PRIM2: variants seen among roughly 807,000 people sequenced by gnomAD.
PRIM2 encodes DNA primase subunit 2, also known as DNA primase large subunit.
Under a neutral mutation model 67.3 loss-of-function variants are expected in PRIM2, and 39 were observed. The ratio of observed to expected loss-of-function variants is 0.58; its 90% confidence interval spans 0.45 to 0.76. The LOEUF is 0.76. PRIM2 is among the 30% of genes least tolerant of loss of function. The pLI is 0.00. For missense variants in PRIM2, 398 were observed against 598.7 expected (o/e 0.66, Z 3.50); for synonymous variants, 143 against 198.7 (o/e 0.72, Z 2.36).
At chr6:57,561,201 C>T (rs1775621132) in intron 10 of PRIM2, among the ~76,000 whole-genome samples, 1 of 152,130 alleles carries the variant, frequency 6.6e-6, no homozygotes, top group African/African-American at 2.4e-5. Context: ...CCTTAAATCT[C>T]ATAAACCCAC....
intron 7 of PRIM2, among the ~76,000 whole-genome samples, chr6:57,415,102 A>C (rs1231469024): frequency 6.6e-6 from 1 of 152,186 alleles, no homozygotes; most frequent in African/African-American, 2.4e-5. Flanking sequence ...ATAAACAGAT[A>C]ATTTGTATAG....
chr6:57,374,613 CAG>C (rs1469543565), intron 5 of PRIM2, among the ~76,000 whole-genome samples: 1 of 151,330 alleles, frequency 6.6e-6, no homozygotes, highest in Non-Finnish European at 1.5e-5. Context: ...TTTTTTGAGA[CAG>C]AGTCTTGCTC....
the PRIM2 span, among the ~76,000 whole-genome samples, chr6:57,274,943 A>ATTTTTTTTTTTTTTTTTTT: frequency 5.8e-5 from 8 of 137,384 alleles, no homozygotes; most frequent in African/African-American, 1.7e-4. Context: ...CACCTGGCTA[A>ATTTTTTTTTTTTTTTTTTT]TTTTTTTTTT....
At chr6:57,343,231 T>A (rs3800016) in intron 5 of PRIM2, among the ~76,000 whole-genome samples, 19,372 of 152,188 alleles carry the variant, frequency 0.13, 1,394 homozygotes, top group African/African-American at 0.18. Context: ...TACTGTGTTG[T>A]TTTTATTGTT....
At chr6:57,635,880 T>C (rs1266326081) in intron 13 of PRIM2, among the ~76,000 whole-genome samples, 5 of 152,208 alleles carry the variant, frequency 3.3e-5, no homozygotes, top group East Asian at 1.9e-4. Context: ...ACCTTTAAAA[T>C]AGAGGAATCT....
At chr6:57,573,125 A>G (rs1474922976) in intron 10 of PRIM2, among the ~76,000 whole-genome samples, 1 of 152,242 alleles carries the variant, frequency 6.6e-6, no homozygotes, top group Non-Finnish European at 1.5e-5. Flanking sequence ...CAGCTGCCCT[A>G]TACTTTCATT....
At chr6:57,422,154 C>CTTTATTTTTTTTTT (rs1177401174) in intron 7 of PRIM2, among the ~76,000 whole-genome samples, 1 of 54,512 alleles carries the variant, frequency 1.8e-5, no homozygotes, top group Non-Finnish European at 4.3e-5. Context: ...TATTTCTTTT[C>CTTTATTTTTTTTTT]TTTCTTTTTT....
At chr6:57,245,053 C>T in the PRIM2 span, among the ~76,000 whole-genome samples, 1 of 152,246 alleles carries the variant, frequency 6.6e-6, no homozygotes, top group South Asian at 2.1e-4. Context: ...CCTTCCTCCA[C>T]GAGTCCCAGC....
chr6:57,431,367 T>C (rs1771821743), intron 7 of PRIM2, among the ~76,000 whole-genome samples: 1 of 152,140 alleles, frequency 6.6e-6, no homozygotes, highest in African/African-American at 2.4e-5. Context: ...AAAGAAAATT[T>C]GGAGTCTGGG....
intron 7 of PRIM2, among the ~76,000 whole-genome samples, chr6:57,442,454 C>T (rs1748213057): frequency 6.6e-6 from 1 of 151,942 alleles, no homozygotes; most frequent in African/African-American, 2.4e-5. Context: ...GATGAAGATG[C>T]TAAAAATGTA....
intron 12 of PRIM2, among the ~76,000 whole-genome samples, chr6:57,631,154 T>G (rs1777032924): frequency 6.6e-6 from 1 of 152,188 alleles, no homozygotes; most frequent in East Asian, 1.9e-4. Context: ...CAAATGACAT[T>G]AAGCTATATT....
At chr6:57,547,044 G>T (rs2127473636) in intron 10 of PRIM2, among the ~76,000 whole-genome samples, 1 of 152,226 alleles carries the variant, frequency 6.6e-6, no homozygotes, top group South Asian at 2.1e-4. Flanking sequence ...AGTATTTAAA[G>T]TTTTGAACGT....
chr6:57,549,685 A>G (rs1272779391), intron 10 of PRIM2, among the ~76,000 whole-genome samples: 5 of 152,230 alleles, frequency 3.3e-5, no homozygotes, highest in Non-Finnish European at 7.3e-5. Context: ...TAACTTCTAG[A>G]CACAAATATT....
intron 7 of PRIM2, among the ~76,000 whole-genome samples, chr6:57,496,625 G>A (rs1554346407): frequency 6.6e-5 from 10 of 152,068 alleles, no homozygotes; most frequent in South Asian, 2.1e-4. Flanking sequence ...CTAGATAAGC[G>A]TTTATTATCT....
chr6:57,505,094 T>C (rs1252181309), intron 7 of PRIM2: 21 of 152,306 alleles, frequency 1.4e-4, no homozygotes, highest in Non-Finnish European at 2.6e-4. Flanking sequence ...GTTTGAATTC[T>C]GTCAGCAAAA....
intron 5 of PRIM2, among the ~76,000 whole-genome samples, chr6:57,344,216 G>T (rs1363922694): frequency 6.6e-6 from 1 of 151,436 alleles, no homozygotes; most frequent in Non-Finnish European, 1.5e-5. Flanking sequence ...GGTACTCTCT[G>T]AGTGTTGAGT....
chr6:57,269,481 GTTT>G, the PRIM2 span, among the ~76,000 whole-genome samples: 161 of 152,032 alleles, frequency 1.1e-3, 3 homozygotes, highest in East Asian at 0.029. Context: ...TGATGGGATT[GTTT>G]TTTTCTTGTA....
At chr6:57,456,051 G>A (rs531790642) in intron 7 of PRIM2, among the ~76,000 whole-genome samples, 3 of 152,186 alleles carry the variant, frequency 2.0e-5, no homozygotes, top group Admixed American at 1.3e-4. Flanking sequence ...ATGAAGCTTA[G>A]TTTGGCTGGA....
At chr6:57,251,838 T>TC in the PRIM2 span, among the ~76,000 whole-genome samples, 1 of 152,240 alleles carries the variant, frequency 6.6e-6, no homozygotes, top group Non-Finnish European at 1.5e-5. Context: ...ATCCAGGTTA[T>TC]TACAGTAGCT....
Sources: allele counts gnomAD v4.1 joint callset (sites outside exome capture counted in the v4.1 genomes callset), GRCh38; gene constraint gnomAD v4.1.1; transcripts MANE v1.5; gene names NCBI Gene and HGNC (gene_info 2026-07-23, HGNC 2026-07-21).